WNT9A: variants seen among roughly 807,000 people sequenced by gnomAD.
WNT9A encodes Wnt family member 9A, also known as protein Wnt-9a.
A neutral mutation model predicts 31.4 loss-of-function variants in WNT9A; 8 were observed. That is an observed-to-expected ratio of 0.26 (90% CI 0.15 to 0.46). WNT9A has a LOEUF of 0.46. WNT9A is among the 20% of genes least tolerant of loss of function. WNT9A has a pLI of 0.99. For missense variants in WNT9A, 457 were observed against 522.9 expected, an observed-to-expected ratio of 0.87 and a Z score of 1.23; for synonymous variants, 236 against 220.1, an observed-to-expected ratio of 1.07 and a Z score of -0.64.
In WNT9A at chr1:227,924,507, G is replaced by A. The variant is rs576732906; in HGVS notation, c.353-107C>T. ...AGTATGAATCCCATGTTGGGGCTCA[G>A]AGCATCTTTCCTGGTGCTGCACTCG... On this transcript the variant is annotated intron_variant, in intron 2 of 3. Transcript: ENST00000272164. 2.6e-4 allele frequency: 382 copies of A among 1,446,674 alleles called. 1 individual carries two copies. The Middle Eastern group carries it at 7.6e-3, about 29-fold the overall frequency. The allele number at this position is 1,446,674 out of a possible 1,614,324, so 89.6% of individuals were successfully genotyped here.
Position 227,925,882 on chromosome 1 carries a change from A to C in WNT9A, c.96-363T>G, listed in dbSNP as rs1356924918. ...CCGCCTAGGGCTGTGGGCAGGGAGG[A>C]GGCTCCGGAGCCTGAATCCCAAACT... On this transcript the variant is annotated intron_variant, in intron 1 of 3. Transcript: ENST00000272164. This position sits in a 1 kb window ranked among gnomAD's most constrained non-coding sequence, Gnocchi z 6.0. 1.8e-4 allele frequency among the ~76,000 whole-genome samples: 27 copies of C among 151,992 alleles called. No individual in the cohort carries two copies. The highest frequency in any genetic ancestry group is 1.8e-3 in the Admixed American group (27 of 15,270).
chr1:227,946,849 C>CGGCGGCCCGGCTGAGGG (rs1461261987), intron 1 of WNT9A, among the ~76,000 whole-genome samples: 12 of 151,816 alleles, frequency 7.9e-5, no homozygotes, highest in Non-Finnish European at 1.8e-4. Flanking sequence ...CGGCGGAGGG[C>CGGCGGCCCGGCTGAGGG]GGCGGCCCGG....
At position 227,921,852 on chromosome 1, in the gene WNT9A, C is replaced by T; in HGVS notation, c.764G>A (p.Ser255Asn). Residue 255 changes from serine to asparagine, a missense_variant, in exon 4 of 4, where the codon AGC becomes AAC. By Grantham distance (46) the Ser-to-Asn change is conservative (BLOSUM62 1). Transcript: ENST00000272164. ...CTCGCCGGCAGCTTCATTGGTGGTG[C>T]TGCCCACCTTGAGTGCCGTCTCATA... ...HKYETALKVGSTTNEAAGEAG... is the reference protein window; with the variant it reads ...HKYETALKVGNTTNEAAGEAG... 1.2e-6 allele frequency: 2 copies of T among 1,613,138 alleles called. No individual in the cohort carries two copies. The highest frequency in any genetic ancestry group is 1.7e-6 in the Non-Finnish European group (2 of 1,179,936).
chr1:227,937,239 A>T (rs1344857831), intron 1 of WNT9A, among the ~76,000 whole-genome samples: 2 of 151,994 alleles, frequency 1.3e-5, no homozygotes, highest in Non-Finnish European at 2.9e-5. Context: ...GAGTGAGGAG[A>T]GCCGCTGCAC....
At position 227,926,745 on chromosome 1, in the gene WNT9A, T is replaced by C. The variant is rs1462141526; in HGVS notation, c.96-1226A>G. ...CCAGCAGAGAACGGCAGACTCAGGA[T>C]GTGCTGGGAGCCACCGGGGTGCCAG... On this transcript the variant is annotated intron_variant, in intron 1 of 3. Coordinates refer to ENST00000272164, the MANE Select transcript of WNT9A (RefSeq NM_003395.4). This position sits in a 1 kb window ranked among gnomAD's most constrained non-coding sequence, Gnocchi z 5.0. Among the ~76,000 whole-genome samples, 4 of 151,828 alleles carry C rather than the reference T, an allele frequency of 2.6e-5. No individual in the cohort carries two copies. The highest frequency in any genetic ancestry group is 9.7e-5 in the African/African-American group (4 of 41,344).
Position 227,921,903 on chromosome 1 carries a change from T to A in WNT9A, c.713A>T (p.Glu238Val), listed in dbSNP as rs770355288. Residue 238 changes from glutamate to valine, a missense_variant, in exon 4 of 4, where the codon GAG (glutamate) becomes GTG (valine). By Grantham distance (121) the Glu-to-Val change is moderately radical. Transcript: ENST00000272164. ...CTTGTGCTTCAGATGCTTGCCCACC[T>A]CATGGAAAGGCGCCAACTGCCGCCA... ...TCWRQLAPFH[E>V]VGKHLKHKYE... The A allele has an allele frequency of 1.9e-6, 3 of 1,613,178 alleles. No homozygotes were observed. Among genetic ancestry groups the A allele is most frequent in the Non-Finnish European group, 2.5e-6 (3 of 1,179,938 alleles).
intron 3 of WNT9A, among the ~76,000 whole-genome samples, chr1:227,923,524 T>G (rs1274417870): frequency 6.6e-6 from 1 of 152,174 alleles, no homozygotes; most frequent in Admixed American, 6.5e-5. Flanking sequence ...CAACAGCCAG[T>G]GGCCCCTGGA....
At chr1:227,922,450 C>T (rs996895971) in intron 3 of WNT9A, among the ~76,000 whole-genome samples, 8 of 152,204 alleles carry the variant, frequency 5.3e-5, no homozygotes, top group South Asian at 4.1e-4. Flanking sequence ...CTGAGCTGAC[C>T]GCAACCTCCC....
rs145836311 is a variant in WNT9A at position 227,921,546 on chromosome 1, C to T, written c.1070G>A (p.Arg357His). 1.6e-3 allele frequency: 2,602 copies of T among 1,611,912 alleles called. 8 individuals are homozygous for T. The highest frequency in any genetic ancestry group is 2.0e-3 in the Non-Finnish European group (2,353 of 1,178,980). The change falls in exon 4 of 4, where the codon CGT becomes CAT. Residue 357 changes from arginine to histidine, a missense_variant. By Grantham distance (29) the Arg-to-His change is conservative. Coordinates refer to ENST00000272164, the MANE Select transcript of WNT9A (RefSeq NM_003395.4). ...CYVECRQCTQ[R>H]EEVYTCKG The stretch of plus-strand genomic sequence containing the variant: ...GCCCTTGCAGGTGTAGACCTCCTCA[C>T]GCTGCGTGCACTGCCTGCACTCCAC...
In WNT9A at chr1:227,928,721, C is replaced by G. The variant is rs970683146; in HGVS notation, c.96-3202G>C. Among the ~76,000 whole-genome samples the G allele has an allele frequency of 6.6e-6, 1 of 152,188 alleles. No individual in the cohort carries two copies. The highest frequency in any genetic ancestry group is 1.5e-5 in the Non-Finnish European group (1 of 68,042). ...GCCCAGACCCTCCTGACAGGCAGGG[C>G]TTCCAGGTGGGGCTCTCTTTCTGCC... On this transcript the variant is annotated intron_variant, in intron 1 of 3. Transcript: ENST00000272164. This position sits in a 1 kb window ranked among gnomAD's most constrained non-coding sequence, Gnocchi z 4.5.
chr1:227,933,897 G>A (rs1666549050), intron 1 of WNT9A, among the ~76,000 whole-genome samples: 1 of 152,202 alleles, frequency 6.6e-6, no homozygotes. Flanking sequence ...TCCGCTTTCT[G>A]TCTTGATGGA....
In WNT9A at chr1:227,925,468, C is replaced by T; in HGVS notation, c.147G>A (p.Glu49=). Residue 49 remains glutamate (E), a synonymous_variant, in exon 2 of 4, where the codon GAG becomes GAA. Transcript: ENST00000272164. The surrounding 1 kb of genome is among the most constrained non-coding windows in gnomAD (Gnocchi z 6.0). ...CCTTGTAGTGCGCCTGGGCAGCCGC[C>T]TCTGGCTCCAGGGTCAGCGGGAGGA... ...LTILPLTLEP[E]AAAQAHYKAC... 3 of 1,577,806 alleles carry T rather than the reference C, an allele frequency of 1.9e-6. No individual in the cohort carries two copies. Among genetic ancestry groups the T allele is most frequent in the Non-Finnish European group, 2.6e-6 (3 of 1,166,010 alleles).
chr1:227,946,306 C>T (rs888576894), intron 1 of WNT9A, among the ~76,000 whole-genome samples: 1 of 152,236 alleles, frequency 6.6e-6, no homozygotes, highest in Non-Finnish European at 1.5e-5. Flanking sequence ...CTCCAGGAAT[C>T]GGATCACAGC....
At chr1:227,933,796 G>A (rs1174198883) in intron 1 of WNT9A, among the ~76,000 whole-genome samples, 1 of 152,180 alleles carries the variant, frequency 6.6e-6, no homozygotes, top group Non-Finnish European at 1.5e-5. Context: ...CTCACCCACT[G>A]CAAGATTCGC....
chr1:227,928,365 C>G lies in WNT9A; in HGVS notation c.96-2846G>C, dbSNP rs1666454768. On this transcript the variant is annotated intron_variant, in intron 1 of 3. Transcript: ENST00000272164. The surrounding 1 kb of genome is among the most constrained non-coding windows in gnomAD (Gnocchi z 4.5). Reference sequence around the variant, plus strand: ...GGGCAGGGTGGGCCGTTGGCACTGTCAGAAGGGTGTGGAGGGAGGGTTGCC... The same window carrying G: ...GGGCAGGGTGGGCCGTTGGCACTGTGAGAAGGGTGTGGAGGGAGGGTTGCC... Among the ~76,000 whole-genome samples, 1 of 152,012 alleles carries G rather than the reference C, an allele frequency of 6.6e-6. No individual in the cohort carries two copies. Among genetic ancestry groups the G allele is most frequent in the Non-Finnish European group, 1.5e-5 (1 of 67,996 alleles).
At chr1:227,945,127 G>A (rs1422799424) in intron 1 of WNT9A, among the ~76,000 whole-genome samples, 1 of 152,190 alleles carries the variant, frequency 6.6e-6, no homozygotes, top group Non-Finnish European at 1.5e-5. Context: ...AGGGCGAAGC[G>A]AGAGGGGCCT....
At chr1:227,938,986 T>C (rs888754832) in intron 1 of WNT9A, among the ~76,000 whole-genome samples, 6 of 152,180 alleles carry the variant, frequency 3.9e-5, no homozygotes, top group African/African-American at 7.2e-5. Flanking sequence ...AGTTCATGAC[T>C]GCTCTCCCCG....
rs996834488 is a variant in WNT9A, at chr1:227,925,579, G to C, written c.96-60C>G. On this transcript the variant is annotated intron_variant, in intron 1 of 3. Transcript: ENST00000272164. The surrounding 1 kb of genome is among the most constrained non-coding windows in gnomAD (Gnocchi z 6.0). ...AGGAAGCCCTGCTGGAGCCTGGCCA[G>C]GTGTCTCGGTGGCCAGGGTACAGGG... The C allele has an allele frequency of 3.7e-5, 54 of 1,447,554 alleles. No homozygotes were observed. Among genetic ancestry groups the C allele is most frequent in the Non-Finnish European group, 4.3e-5 (48 of 1,103,880 alleles). 89.7% of individuals were successfully genotyped at this position (1,447,554 alleles called of 1,614,324 possible).
At chr1:227,943,633 G>A (rs1353818917) in intron 1 of WNT9A, among the ~76,000 whole-genome samples, 22 of 152,110 alleles carry the variant, frequency 1.4e-4, no homozygotes, top group South Asian at 2.1e-4. Context: ...CTGCACTGCC[G>A]GCAGAAATGT....
Sources: gnomAD v4.1 joint callset for allele counts (sites outside exome capture counted in the v4.1 genomes callset) on GRCh38, gnomAD v4.1.1 for gene constraint, Gnocchi (gnomAD v3.1) non-coding constraint, MANE v1.5 for transcripts, NCBI Gene and HGNC (gene_info 2026-07-23, HGNC 2026-07-21) for gene names.